Variants in SPAG6 observed in about 807,000 individuals in gnomAD.
The protein encoded by SPAG6 is sperm-associated antigen 6.
In SPAG6, 49 loss-of-function variants were observed where a neutral mutation model predicts 58.5. The ratio of observed to expected loss-of-function variants is 0.84; its 90% CI spans 0.67 to 1.06. The LOEUF is 1.06. Ranked by LOEUF, SPAG6 falls within the 50% of genes least tolerant of loss-of-function variation. The probability of loss-of-function intolerance (pLI) is 0.00; values close to 1 mark genes in which losing one functional copy is unlikely to be tolerated. For synonymous variants in SPAG6, 233 were observed against 225.6 expected (o/e 1.03, Z -0.29); for missense variants, 560 against 611.3 (o/e 0.92, Z 0.89).
At chr10:22,367,792 GA>G (rs1235790733) in intron 3 of SPAG6, among the ~76,000 whole-genome samples, 1 of 151,688 alleles carries the variant, frequency 6.6e-6, no homozygotes, top group Non-Finnish European at 1.5e-5. Flanking sequence ...GCATCTATAG[GA>G]AATATAAATA....
Position 22,345,977 on chromosome 10 carries a change from G to A in SPAG6, c.121+159G>A, listed in dbSNP as rs775988669. ...TCAGCGGGTCTTTGGGGGTCAGGCCGAGAGGGTGAAGCTTCCAGATGGTTG... is the reference window on the plus strand; with the variant it reads ...TCAGCGGGTCTTTGGGGGTCAGGCCAAGAGGGTGAAGCTTCCAGATGGTTG... On this transcript the variant is annotated intron_variant, in intron 2 of 10. Coordinates refer to ENST00000376624, the MANE Select transcript of SPAG6 (RefSeq NM_012443.4). This position sits in a 1 kb window ranked among gnomAD's most constrained non-coding sequence, Gnocchi z 6.3. The A allele has an allele frequency of 4.5e-6, 7 of 1,549,466 alleles. No individual in the cohort carries two copies. In the South Asian group the frequency reaches 6.0e-5, roughly 13 times the overall value.
chr10:22,349,027 T>C (rs1372590395), intron 2 of SPAG6, among the ~76,000 whole-genome samples: 3 of 152,072 alleles, frequency 2.0e-5, no homozygotes, highest in Non-Finnish European at 4.4e-5. Context: ...TTTGTTTTTT[T>C]AATAGAGAAG....
At position 22,408,011 on chromosome 10, in the gene SPAG6, G is replaced by A. The variant is rs7072567; in HGVS notation, c.1315-3020G>A. 5.8e-3 allele frequency among the ~76,000 whole-genome samples: 806 copies of A among 140,054 alleles called. 17 individuals carry two copies. Among genetic ancestry groups the A allele is most frequent in the African/African-American group, 0.023 (768 of 33,834 alleles). The allele number at this position is 140,054 out of a possible 152,430, so 91.9% of individuals were successfully genotyped here. On this transcript the variant is annotated intron_variant, in intron 9 of 10. Transcript: ENST00000376624. ...CATCAGCTCCTTTAAGCACTTCTCT[G>A]TATTGGTTATTCTAGTTATACATTC...
chr10:22,396,590 A>T (rs1834298732), intron 8 of SPAG6, among the ~76,000 whole-genome samples: 2 of 152,230 alleles, frequency 1.3e-5, no homozygotes, highest in Admixed American at 1.3e-4. Flanking sequence ...AGCAACAATT[A>T]GTAATTTTTG....
intron 8 of SPAG6, among the ~76,000 whole-genome samples, chr10:22,398,912 G>A (rs371998359): frequency 1.3e-5 from 2 of 152,138 alleles, no homozygotes; most frequent in African/African-American, 4.8e-5. Context: ...TCCGCCTCCT[G>A]GGTTCAAGCG....
intron 4 of SPAG6, among the ~76,000 whole-genome samples, chr10:22,373,096 C>T (rs1208406824): frequency 2.0e-5 from 3 of 152,194 alleles, no homozygotes; most frequent in Non-Finnish European, 2.9e-5. Context: ...CCGTTGGCCG[C>T]TTTCCACCCG....
At chr10:22,349,836 A>C (rs1836668819) in intron 2 of SPAG6, among the ~76,000 whole-genome samples, 1 of 152,218 alleles carries the variant, frequency 6.6e-6, no homozygotes, top group South Asian at 2.1e-4. Flanking sequence ...TCAAGAAAAT[A>C]AGTCAAATAT....
Position 22,368,533 on chromosome 10 carries a change from A to G in SPAG6, c.327A>G (p.Ala109=), listed in dbSNP as rs778425071. 3.7e-6 allele frequency: 6 copies of G among 1,614,006 alleles called. No individual in the cohort carries two copies. In the Admixed American group the frequency reaches 1.0e-4, roughly 27 times the overall value. The change falls in exon 4 of 11, where the codon GCA becomes GCG. Residue 109 remains alanine (A), a synonymous_variant. Transcript: ENST00000376624. ...YKKAAAFVLR[A]VGKHSPQLAQ... is the part of the protein sequence containing the mutation. ...AAGCAGCTGCCTTTGTGTTACGAGCAGTTGGTAAACATTCTCCCCAGCTAG... is the reference window on the plus strand; with the variant it reads ...AAGCAGCTGCCTTTGTGTTACGAGCGGTTGGTAAACATTCTCCCCAGCTAG...
At chr10:22,408,714 G>A (rs1054981083) in intron 9 of SPAG6, among the ~76,000 whole-genome samples, 2 of 152,244 alleles carry the variant, frequency 1.3e-5, no homozygotes. Context: ...CCTGGGCAAT[G>A]GCGGGCGCCC....
chr10:22,406,349 G>A (rs9732956), intron 9 of SPAG6, among the ~76,000 whole-genome samples: 5,258 of 152,038 alleles, frequency 0.035, 294 homozygotes, highest in African/African-American at 0.11. Context: ...CTTTGTTCTC[G>A]TTGGTTTCAA....
chr10:22,346,437 T>TTCC (rs1564357159), intron 2 of SPAG6, among the ~76,000 whole-genome samples: 1 of 112,378 alleles, frequency 8.9e-6, no homozygotes, highest in Non-Finnish European at 1.8e-5. Flanking sequence ...ATGGTTCTTC[T>TTCC]TCTTCTTCTT....
intron 6 of SPAG6, among the ~76,000 whole-genome samples, chr10:22,388,938 A>C (rs1015136538): frequency 5.3e-5 from 8 of 152,196 alleles, no homozygotes; most frequent in Non-Finnish European, 1.0e-4. Flanking sequence ...CCATCGATGC[A>C]TGAAAAATTG....
chr10:22,379,283 C>G (rs991917953), intron 4 of SPAG6, among the ~76,000 whole-genome samples: 50 of 152,080 alleles, frequency 3.3e-4, no homozygotes, highest in African/African-American at 1.2e-3. Context: ...TAGAACAAAG[C>G]TTTTTGTGGT....
chr10:22,357,293 A>G (rs781609648), intron 2 of SPAG6, among the ~76,000 whole-genome samples: 42 of 152,154 alleles, frequency 2.8e-4, no homozygotes, highest in Non-Finnish European at 5.3e-4. Flanking sequence ...CTATAGTGGC[A>G]TACATCATAG....
At chr10:22,346,507 T>TTTCTTCTTCC in intron 2 of SPAG6, among the ~76,000 whole-genome samples, 1 of 148,200 alleles carries the variant, frequency 6.7e-6, no homozygotes, top group East Asian at 2.0e-4. Context: ...TTTCTTCTTC[T>TTTCTTCTTCC]TCTTCCTCTT....
At chr10:22,356,754 A>G (rs1049882044) in intron 2 of SPAG6, among the ~76,000 whole-genome samples, 1 of 152,118 alleles carries the variant, frequency 6.6e-6, no homozygotes, top group African/African-American at 2.4e-5. Context: ...TGCCATTACC[A>G]TTCTCCAGGC....
At position 22,401,144 on chromosome 10, in the gene SPAG6, C is replaced by G; in HGVS notation, c.1198-17C>G. ...TTGATTACTTACTTATGTATACATT[C>G]TGCTTTGTATTTCTAGAGTAAAAAA... On this transcript the variant is annotated splice_polypyrimidine_tract_variant and intron_variant, in intron 8 of 10. Coordinates refer to ENST00000376624, the MANE Select transcript of SPAG6 (RefSeq NM_012443.4). The G allele has an allele frequency of 5.1e-6, 6 of 1,179,298 alleles. No homozygotes were observed. The Middle Eastern group carries it at 1.1e-3, about 225-fold the overall frequency. The allele number at this position is 1,179,298 out of a possible 1,614,324, so 73.1% of individuals were successfully genotyped here.
At chr10:22,400,065 T>C (rs1834374599) in intron 8 of SPAG6, among the ~76,000 whole-genome samples, 1 of 152,140 alleles carries the variant, frequency 6.6e-6, no homozygotes, top group Non-Finnish European at 1.5e-5. Flanking sequence ...AAGAGATTCT[T>C]TACTAACAAC....
intron 2 of SPAG6, chr10:22,360,696 T>C: frequency 1.7e-6 from 1 of 601,052 alleles, no homozygotes. Context: ...GATATAATAT[T>C]ACATAGTATA....
Sources: gnomAD v4.1 joint callset for allele counts (sites outside exome capture counted in the v4.1 genomes callset) on GRCh38, gnomAD v4.1.1 for gene constraint, Gnocchi (gnomAD v3.1) non-coding constraint, MANE v1.5 for transcripts, NCBI Gene and HGNC (gene_info 2026-07-23, HGNC 2026-07-21) for gene names.